The following GRK4 variants were observed in gnomAD, a reference collection of about 807,000 sequenced individuals.
GRK4 encodes the protein G protein-coupled receptor kinase 4, also known as G protein-coupled receptor kinase 2-like.
GRK4 carries 73 observed loss-of-function variants against 77.9 expected under a neutral mutation model. The observed-to-expected ratio is 0.94, with a 90% CI of 0.78 to 1.14. GRK4 has a LOEUF of 1.14. Among genes scored for constraint, GRK4 ranks in the 50% most tolerant of loss-of-function variants. The probability of loss-of-function intolerance (pLI) is 0.00; values close to 1 mark genes in which losing one functional copy is unlikely to be tolerated. For synonymous variants in GRK4, 257 were observed against 254.4 expected, an observed-to-expected ratio of 1.01 and a Z score of -0.10; for missense variants, 729 against 700.2, an observed-to-expected ratio of 1.04 and a Z score of -0.46.
intron 10 of GRK4, among the ~76,000 whole-genome samples, chr4:3,025,022 A>G (rs540140710): frequency 1.3e-3 from 191 of 151,104 alleles, no homozygotes; most frequent in Admixed American, 4.4e-3. Context: ...TGTAATCCCA[A>G]TATTTTGGGA....
chr4:3,019,241 G>A (rs28707127), intron 8 of GRK4, among the ~76,000 whole-genome samples: 2,951 of 152,346 alleles, frequency 0.019, 37 homozygotes, highest in Middle Eastern at 0.041. Flanking sequence ...AGCACAAAAT[G>A]TTGGAAGGAT....
At position 2,967,900 on chromosome 4, in the gene GRK4, C is replaced by T. The variant is rs1288090736; in HGVS notation, c.52+3778C>T. Among the ~76,000 whole-genome samples the T allele has an allele frequency of 4.6e-5, 7 of 152,234 alleles. No homozygotes were observed. The East Asian group carries it at 9.6e-4, about 21-fold the overall frequency. The stretch of plus-strand genomic sequence containing the variant: ...CTGCCTCCCGGGTTCAAGAAATTCT[C>T]CTGCCTCAGTCTCCCGAGTAGCTGG... On this transcript the variant is annotated intron_variant, in intron 1 of 15. Coordinates refer to ENST00000398052, the MANE Select transcript of GRK4 (RefSeq NM_182982.3).
rs371334339 is a variant in GRK4, at chr4:3,020,541, T to G, written c.932+710T>G. Among the ~76,000 whole-genome samples the G allele has an allele frequency of 1.4e-4, 21 of 152,220 alleles. No individual in the cohort carries two copies. In the East Asian group the frequency reaches 1.9e-3, roughly 14 times the overall value. ...TAGAATTTAGTAAAGAAAATTAAAT[T>G]AAACTTCATAGTTTAGTGTAATCAA... On this transcript the variant is annotated intron_variant, in intron 9 of 15. Coordinates refer to ENST00000398052, the MANE Select transcript of GRK4 (RefSeq NM_182982.3).
chr4:3,037,044 G>GGTGTGTGTGT (rs1271637092), intron 13 of GRK4, among the ~76,000 whole-genome samples: 8 of 144,364 alleles, frequency 5.5e-5, no homozygotes, highest in Non-Finnish European at 7.5e-5. Context: ...CCTCAGGAGG[G>GGTGTGTGTGT]GTGTGTGTGT....
At chr4:2,972,703 G>A (rs958642229) in intron 1 of GRK4, among the ~76,000 whole-genome samples, 1 of 152,106 alleles carries the variant, frequency 6.6e-6, no homozygotes, top group Non-Finnish European at 1.5e-5. Flanking sequence ...TGCACAGTGT[G>A]TGCGCTGCTG....
chr4:2,999,935 A>G (rs7690813), intron 4 of GRK4, among the ~76,000 whole-genome samples: 55,058 of 151,714 alleles, frequency 0.36, 10,395 homozygotes, highest in African/African-American at 0.44. Flanking sequence ...TGCAACAATA[A>G]AAAGATGACC....
At chr4:3,001,324 T>TACACAC (rs1346925899) in intron 4 of GRK4, among the ~76,000 whole-genome samples, 1 of 137,068 alleles carries the variant, frequency 7.3e-6, no homozygotes, top group African/African-American at 2.9e-5. Context: ...TGTGAGTACA[T>TACACAC]ATACACACAC....
Position 3,038,400 on chromosome 4 carries a change from G to T in GRK4, c.1570G>T (p.Asp524Tyr). Residue 524 changes from aspartate (D) to tyrosine (Y), a missense_variant, in exon 15 of 16, where the codon GAC (aspartate) becomes TAC (tyrosine). By Grantham distance (160) the Asp-to-Tyr change is radical (BLOSUM62 -3). Transcript: ENST00000398052. ...GATGATCGAATCTGGGTGTTTCAAAGACATCAACAAAAGTGAAAGTGAGGA... is the reference window on the plus strand; with the variant it reads ...GATGATCGAATCTGGGTGTTTCAAATACATCAACAAAAGTGAAAGTGAGGA... ...NEMIESGCFK[D>Y]INKSESEEAL... 1.2e-6 allele frequency: 2 copies of T among 1,614,172 alleles called. No individual in the cohort carries two copies. Among genetic ancestry groups the T allele is most frequent in the Non-Finnish European group, 1.7e-6 (2 of 1,180,026 alleles).
chr4:2,968,409 C>G (rs1718436351), intron 1 of GRK4, among the ~76,000 whole-genome samples: 1 of 152,126 alleles, frequency 6.6e-6, no homozygotes, highest in African/African-American at 2.4e-5. Flanking sequence ...CTTGCTGAGG[C>G]TTCCTCCCTA....
intron 1 of GRK4, among the ~76,000 whole-genome samples, chr4:2,977,338 A>G (rs1236708746): frequency 6.6e-6 from 1 of 152,198 alleles, no homozygotes; most frequent in Admixed American, 6.5e-5. Context: ...CTCTTGAGTT[A>G]TCATCACAGA....
At chr4:3,033,217 T>A (rs1257767465) in intron 12 of GRK4, among the ~76,000 whole-genome samples, 1 of 152,146 alleles carries the variant, frequency 6.6e-6, no homozygotes, top group East Asian at 1.9e-4. Context: ...ATGCCGTCTA[T>A]ATTTTAAAAG....
In GRK4 at chr4:2,964,036, C is replaced by G. The variant is rs1201884659; in HGVS notation, c.-35C>G. ...GTTCCGCCTCCTCAGTCTCCTCGGT[C>G]TCGCAGAATCCGCCGGCGGCGGCGG... On this transcript the variant is annotated 5_prime_UTR_variant, in exon 1 of 16. Transcript: ENST00000398052. 4.4e-6 allele frequency: 7 copies of G among 1,597,238 alleles called. No individual in the cohort carries two copies. The highest frequency in any genetic ancestry group is 3.4e-5 in the South Asian group (3 of 89,182).
In GRK4 at chr4:2,992,239, G is replaced by A. The variant is rs1726421883; in HGVS notation, c.286G>A (p.Glu96Lys). 2 of 1,610,710 alleles carry A rather than the reference G, an allele frequency of 1.2e-6. No homozygotes were observed. The highest frequency in any genetic ancestry group is 1.7e-6 in the Non-Finnish European group (2 of 1,177,300). The change falls in exon 4 of 16, where the codon GAG (glutamate) becomes AAG (lysine). Residue 96 changes from glutamate (E) to lysine (K), a missense_variant. Coordinates refer to ENST00000398052, the MANE Select transcript of GRK4 (RefSeq NM_182982.3). The stretch of plus-strand genomic sequence containing the variant: ...GGCAGAATATGAAGTTGCCGATGAT[G>A]AGGACCGAAGTGATTGTGGACTGTC... ...AVAEYEVADD[E>K]DRSDCGLSIL...
In GRK4 at chr4:2,985,737, G is replaced by A. The variant is rs369328601; in HGVS notation, c.148+1129G>A. The A allele has an allele frequency of 1.7e-4, 56 of 325,520 alleles. No homozygotes were observed. In the East Asian group the frequency reaches 4.2e-3, roughly 25 times the overall value. The allele number at this position is 325,520 out of a possible 1,614,324, so 20.2% of individuals were successfully genotyped here. A position where few individuals can be genotyped will look rare whatever the true frequency, so the allele number is the denominator to read the frequency against. The stretch of plus-strand genomic sequence containing the variant: ...CAGAAGGCCGGGTGTGGTGGCTCAC[G>A]CCCGTAATCCCAGCACTTTGGGAGA... On this transcript the variant is annotated intron_variant, in intron 2 of 15. Coordinates refer to ENST00000398052, the MANE Select transcript of GRK4 (RefSeq NM_182982.3).
chr4:2,978,646 G>A (rs1024547218), intron 1 of GRK4, among the ~76,000 whole-genome samples: 10 of 152,224 alleles, frequency 6.6e-5, no homozygotes, highest in South Asian at 6.2e-4. Flanking sequence ...AATTGCTGCC[G>A]TCCTAAAAAA....
At chr4:2,984,361 G>A in intron 1 of GRK4, 152 bp from the exon 2 acceptor site, 3 of 490,998 alleles carry the variant, frequency 6.1e-6, no homozygotes, top group Non-Finnish European at 1.1e-5. Context: ...CAGCTTTCCA[G>A]ATAAGACAAA....
At chr4:3,021,378 C>T (rs1310800184) in intron 9 of GRK4, among the ~76,000 whole-genome samples, 1 of 152,238 alleles carries the variant, frequency 6.6e-6, no homozygotes, top group Non-Finnish European at 1.5e-5. Flanking sequence ...CATCCTCCAA[C>T]TGCTCCCCGT....
intron 5 of GRK4, among the ~76,000 whole-genome samples, chr4:3,006,935 C>T (rs1731515594): frequency 6.6e-6 from 1 of 152,106 alleles, no homozygotes. Context: ...CAGGAAGGGC[C>T]AATCTTTCAG....
chr4:2,985,670 GAGTTAGCTACAGGT>G, intron 2 of GRK4: 1 of 233,042 alleles, frequency 4.3e-6, no homozygotes, highest in South Asian at 3.9e-5. Flanking sequence ...TAAAGAATGA[GAGTTAGCTACAGGT>G]CCTAACATGA....
Sources: gnomAD v4.1 joint callset for allele counts (sites outside exome capture counted in the v4.1 genomes callset) on GRCh38, gnomAD v4.1.1 for gene constraint, MANE v1.5 for transcripts, NCBI Gene and HGNC (gene_info 2026-07-23, HGNC 2026-07-21) for gene names.